Variants in CDK14 observed in about 807,000 individuals in gnomAD.
CDK14 encodes the protein cyclin-dependent kinase 14.
A neutral mutation model predicts 60.7 loss-of-function variants in CDK14; 34 were observed. The observed-to-expected ratio is 0.56, with a 90% CI of 0.43 to 0.75. The LOEUF is 0.75. CDK14 is among the 30% of genes least tolerant of loss of function. CDK14 has a pLI of 0.00. For missense variants in CDK14, 482 were observed against 564.1 expected (o/e 0.85, Z 1.47); for synonymous variants, 197 against 203.7 (o/e 0.97, Z 0.28).
intron 4 of CDK14, among the ~76,000 whole-genome samples, chr7:90,770,152 T>C (rs1304873060): frequency 6.6e-6 from 1 of 152,242 alleles, no homozygotes; most frequent in South Asian, 2.1e-4. Context: ...GCTAATGTCC[T>C]GTTTGATGGT....
At chr7:91,115,665 A>G (rs1799585533) in intron 13 of CDK14, among the ~76,000 whole-genome samples, 2 of 152,154 alleles carry the variant, frequency 1.3e-5, no homozygotes, top group Admixed American at 6.5e-5. Context: ...AAAATAAGTT[A>G]CAAGTAGATT....
intron 10 of CDK14, among the ~76,000 whole-genome samples, chr7:91,004,217 A>G (rs541546926): frequency 4.6e-5 from 7 of 152,248 alleles, no homozygotes; most frequent in Non-Finnish European, 5.9e-5. Flanking sequence ...CGATGAAATC[A>G]ATAGCTGGTT....
intron 11 of CDK14, among the ~76,000 whole-genome samples, chr7:91,070,567 T>C (rs1798111154): frequency 6.6e-6 from 1 of 152,056 alleles, no homozygotes; most frequent in Admixed American, 6.6e-5. Flanking sequence ...GAGACCAGCA[T>C]GGGCAACATA....
At chr7:90,647,069 ATTACT>A (rs1305566130) in intron 2 of CDK14, among the ~76,000 whole-genome samples, 8 of 152,284 alleles carry the variant, frequency 5.3e-5, no homozygotes, top group Non-Finnish European at 7.4e-5. Flanking sequence ...TTAAATTTAC[ATTACT>A]TTAATTATTA....
At position 90,963,268 on chromosome 7, in the gene CDK14, A is replaced by G. The variant is rs551784271; in HGVS notation, c.947+7451A>G. 2.6e-5 allele frequency among the ~76,000 whole-genome samples: 4 copies of G among 152,056 alleles called. No homozygotes were observed. In the South Asian group the frequency reaches 8.3e-4, roughly 32 times the overall value. The stretch of plus-strand genomic sequence containing the variant: ...CTGAGATCCCATCTCAGCAAAGTAT[A>G]AAAGTTCAGTTACCATGGTAGAGTG... On this transcript the variant is annotated intron_variant, in intron 9 of 14. Transcript: ENST00000380050.
At chr7:90,985,401 A>G (rs1210950335) in intron 10 of CDK14, among the ~76,000 whole-genome samples, 1 of 151,926 alleles carries the variant, frequency 6.6e-6, no homozygotes, top group East Asian at 1.9e-4. Context: ...TTCTTTTAGG[A>G]CTCTGCTTGG....
At chr7:90,629,549 G>A (rs540141127) in intron 2 of CDK14, among the ~76,000 whole-genome samples, 21 of 152,270 alleles carry the variant, frequency 1.4e-4, no homozygotes, top group African/African-American at 5.1e-4. Context: ...GGAACTACTG[G>A]TTGTCCCAAA....
intron 7 of CDK14, among the ~76,000 whole-genome samples, chr7:90,914,296 A>T (rs1369768056): frequency 6.6e-6 from 1 of 152,098 alleles, no homozygotes; most frequent in Admixed American, 6.5e-5. Context: ...AGCCAAATCA[A>T]TTCTTCTACT....
At chr7:90,609,094 G>A (rs7798834) in intron 2 of CDK14, among the ~76,000 whole-genome samples, 46,792 of 151,854 alleles carry the variant, frequency 0.31, 8,114 homozygotes, top group East Asian at 0.67. Flanking sequence ...TGGTGCCATC[G>A]CGGCTCACTG....
chr7:90,693,706 A>G (rs1801601136), intron 2 of CDK14, among the ~76,000 whole-genome samples: 2 of 152,210 alleles, frequency 1.3e-5, no homozygotes, highest in East Asian at 1.9e-4. Context: ...TTAGTCATTG[A>G]TATTGGGCCT....
chr7:90,621,351 G>A (rs1799761081), intron 2 of CDK14, among the ~76,000 whole-genome samples: 2 of 152,276 alleles, frequency 1.3e-5, no homozygotes, highest in South Asian at 4.2e-4. Context: ...GAGTAACTGG[G>A]GCATTTTCTC....
intron 8 of CDK14, among the ~76,000 whole-genome samples, chr7:90,938,621 G>T (rs1793824135): frequency 6.6e-6 from 1 of 152,134 alleles, no homozygotes; most frequent in African/African-American, 2.4e-5. Flanking sequence ...TAATAATAGT[G>T]CAACAATGAA....
At position 90,596,473 on chromosome 7, in the gene CDK14, G is replaced by A; in HGVS notation, c.-155G>A. 1.8e-6 allele frequency: 1 copy of A among 565,828 alleles called. No homozygotes were observed. The highest frequency in any genetic ancestry group is 3.2e-5 in the Admixed American group (1 of 31,340). The allele number at this position is 565,828 out of a possible 1,614,324, so 35.1% of individuals were successfully genotyped here. A position where few individuals can be genotyped will look rare whatever the true frequency, so the allele number is the denominator to read the frequency against. On this transcript the variant is annotated 5_prime_UTR_variant, in exon 1 of 15. Transcript: ENST00000380050. ...GGAGCCTGCCGTCCTCCGCCTGCCT[G>A]CTGCTCGCCTCCCTAGACCTGCGCG...
At chr7:91,178,752 T>A (rs1035579123) in intron 14 of CDK14, among the ~76,000 whole-genome samples, 42 of 150,866 alleles carry the variant, frequency 2.8e-4, no homozygotes, top group Non-Finnish European at 3.6e-4. Flanking sequence ...TCAAAACCAC[T>A]ATTAGATACC....
At chr7:90,608,683 A>G (rs1445611814) in intron 2 of CDK14, 1 of 259,272 alleles carries the variant, frequency 3.9e-6, no homozygotes, top group Non-Finnish European at 6.0e-6. Context: ...TTTGTTTCCT[A>G]AAAATGGGTG....
chr7:91,147,013 TG>T (rs938712898), intron 14 of CDK14, among the ~76,000 whole-genome samples: 3 of 152,072 alleles, frequency 2.0e-5, no homozygotes, highest in Admixed American at 6.6e-5. Flanking sequence ...ACAAATTGGG[TG>T]GGTGTAGACA....
intron 5 of CDK14, among the ~76,000 whole-genome samples, chr7:90,805,476 A>G (rs901664335): frequency 6.6e-6 from 1 of 152,048 alleles, no homozygotes; most frequent in African/African-American, 2.4e-5. Flanking sequence ...GTATACTAGC[A>G]ATGAACATGT....
chr7:91,010,847 C>CCTTCCTTCCTTCCTTCTTT lies in CDK14; in HGVS notation c.1041+26607_1041+26608insTTCCTTCCTTCCTTCTTTC, dbSNP rs1562867371. 2.9e-4 allele frequency among the ~76,000 whole-genome samples: 30 copies of CCTTCCTTCCTTCCTTCTTT among 102,578 alleles called. 1 individual carries two copies. Among genetic ancestry groups the CCTTCCTTCCTTCCTTCTTT allele is most frequent in the African/African-American group, 1.1e-3 (28 of 25,574 alleles). 67.3% of individuals were successfully genotyped at this position (102,578 alleles called of 152,430 possible). On this transcript the variant is annotated intron_variant, in intron 10 of 14. Coordinates refer to ENST00000380050, the MANE Select transcript of CDK14 (RefSeq NM_001287135.2). ...TTCCTTCCTTCCTCCCTCCCTCCCT[C>CCTTCCTTCCTTCCTTCTTT]CCTCCCTCCCTCCCTCCCTCTCTCT...
chr7:90,800,161 C>A (rs1479524211), intron 5 of CDK14, among the ~76,000 whole-genome samples: 1 of 151,956 alleles, frequency 6.6e-6, no homozygotes, highest in Non-Finnish European at 1.5e-5. Context: ...CTCCACCCTT[C>A]TTTATGTATT....
Sources: allele counts gnomAD v4.1 joint callset (sites outside exome capture counted in the v4.1 genomes callset), GRCh38; gene constraint gnomAD v4.1.1; transcripts MANE v1.5; gene names NCBI Gene and HGNC (gene_info 2026-07-23, HGNC 2026-07-21).